Variants in WWOX observed in about 807,000 individuals in gnomAD.
WWOX encodes the protein WW domain-containing oxidoreductase.
In WWOX, 69 loss-of-function variants were observed where a neutral mutation model predicts 46.2. The observed-to-expected ratio is 1.49, with a 90% CI of 1.23 to 1.82. The LOEUF (loss-of-function observed/expected upper bound fraction) is 1.82. Ranked by LOEUF, WWOX falls within the 40% of genes most tolerant of loss-of-function variation. WWOX has a pLI of 0.00. For missense variants in WWOX, 919 were observed against 542.6 expected (o/e 1.69, Z -6.89); for synonymous variants, 359 against 202.6 (o/e 1.77, Z -6.56).
intron 8 of WWOX, among the ~76,000 whole-genome samples, chr16:78,602,670 G>C (rs988324326): frequency 6.6e-6 from 1 of 152,118 alleles, no homozygotes; most frequent in Non-Finnish European, 1.5e-5. Context: ...ACTCTGTTCT[G>C]ATCATTGTCA....
At chr16:78,374,338 G>C (rs554668167) in intron 5 of WWOX, among the ~76,000 whole-genome samples, 1 of 151,942 alleles carries the variant, frequency 6.6e-6, no homozygotes, top group East Asian at 1.9e-4. Context: ...TGATTTAATG[G>C]ATCAGTGAAA....
At chr16:78,476,343 A>T (rs532350446) in intron 8 of WWOX, among the ~76,000 whole-genome samples, 1 of 151,568 alleles carries the variant, frequency 6.6e-6, no homozygotes, top group South Asian at 2.1e-4. Context: ...ATTCTCAGCA[A>T]ACTGTTGCAA....
At chr16:78,605,617 A>G (rs2045737970) in intron 8 of WWOX, among the ~76,000 whole-genome samples, 1 of 152,168 alleles carries the variant, frequency 6.6e-6, no homozygotes, top group South Asian at 2.1e-4. Flanking sequence ...AACAACCCAA[A>G]TGTTAAAATT....
intron 8 of WWOX, among the ~76,000 whole-genome samples, chr16:78,886,639 C>CATATATATATATATATATATGTAACAT (rs3085495): frequency 6.9e-6 from 1 of 144,844 alleles, no homozygotes; most frequent in African/African-American, 2.5e-5. Flanking sequence ...CAAAGAAAAA[C>CATATATATATATATATATATGTAACAT]ATATATATAT....
At position 78,432,629 on chromosome 16, in the gene WWOX, C is replaced by T; in HGVS notation, c.933C>T (p.Leu311=). Residue 311 remains leucine, a synonymous_variant, in exon 8 of 9, where the codon CTC becomes CTT. Transcript: ENST00000566780. ...TCTCCAACGAGCTGCACCGTCGCCTCTCCCCACGCGGGGTCACGTCGAACG... is the reference window on the plus strand; with the variant it reads ...TCTCCAACGAGCTGCACCGTCGCCTTTCCCCACGCGGGGTCACGTCGAACG... ...ILFSNELHRR[L]SPRGVTSNAV... 1 of 1,614,264 alleles carries T rather than the reference C, an allele frequency of 6.2e-7. No individual in the cohort carries two copies. Among genetic ancestry groups the T allele is most frequent in the Non-Finnish European group, 8.5e-7 (1 of 1,180,052 alleles).
chr16:79,073,876 T>G (rs945265344), intron 8 of WWOX, among the ~76,000 whole-genome samples: 3 of 152,192 alleles, frequency 2.0e-5, no homozygotes, highest in Non-Finnish European at 4.4e-5. Context: ...CAGGTAGTAA[T>G]TTTAAAATGG....
intron 8 of WWOX, among the ~76,000 whole-genome samples, chr16:79,159,702 G>A (rs542137005): frequency 6.6e-6 from 1 of 152,208 alleles, no homozygotes; most frequent in African/African-American, 2.4e-5. Context: ...GGGAAAGATA[G>A]CAGGCAGTAT....
chr16:78,354,522 A>T (rs1281773869), intron 5 of WWOX, among the ~76,000 whole-genome samples: 1 of 152,130 alleles, frequency 6.6e-6, no homozygotes, highest in Non-Finnish European at 1.5e-5. Context: ...TACAACTGGA[A>T]AACATTTCTA....
chr16:78,543,386 A>T (rs1400694267), intron 8 of WWOX, among the ~76,000 whole-genome samples: 1 of 152,224 alleles, frequency 6.6e-6, no homozygotes, highest in Non-Finnish European at 1.5e-5. Flanking sequence ...GATTTTTACT[A>T]CAATGATGCC....
At chr16:79,088,586 C>G (rs28515528) in intron 8 of WWOX, among the ~76,000 whole-genome samples, 6,070 of 152,234 alleles carry the variant, frequency 0.04, 409 homozygotes, top group African/African-American at 0.13. Flanking sequence ...CTTTTTGAAA[C>G]TAAAAGAGGT....
At chr16:78,812,410 T>TA (rs977710774) in intron 8 of WWOX, among the ~76,000 whole-genome samples, 10 of 151,726 alleles carry the variant, frequency 6.6e-5, no homozygotes, top group Middle Eastern at 3.4e-3. Flanking sequence ...AAATATTTGT[T>TA]AAAAAAAACC....
At chr16:78,351,741 C>T (rs1474419522) in intron 5 of WWOX, among the ~76,000 whole-genome samples, 1 of 152,180 alleles carries the variant, frequency 6.6e-6, no homozygotes, top group African/African-American at 2.4e-5. Flanking sequence ...ACTGCAAACC[C>T]TGCCTCCCAG....
chr16:78,594,294 C>T (rs530100050), intron 8 of WWOX, among the ~76,000 whole-genome samples: 1 of 151,958 alleles, frequency 6.6e-6, no homozygotes, highest in Admixed American at 6.6e-5. Context: ...CTGACATTTC[C>T]GTAGACTGTT....
At chr16:79,165,793 T>A (rs978530370) in intron 8 of WWOX, among the ~76,000 whole-genome samples, 5 of 152,178 alleles carry the variant, frequency 3.3e-5, no homozygotes, top group African/African-American at 7.2e-5. Flanking sequence ...AGGCTTGGCT[T>A]CTCCGAGTCA....
At chr16:78,352,576 C>G (rs915686225) in intron 5 of WWOX, among the ~76,000 whole-genome samples, 5 of 152,152 alleles carry the variant, frequency 3.3e-5, no homozygotes, top group Admixed American at 2.0e-4. Flanking sequence ...TTTAAGGAAC[C>G]TTGTAACTTC....
chr16:78,966,864 A>G (rs966089268), intron 8 of WWOX, among the ~76,000 whole-genome samples: 3 of 152,180 alleles, frequency 2.0e-5, no homozygotes, highest in South Asian at 2.1e-4. Context: ...GGGAAAAATA[A>G]TAGTTCCCAC....
intron 8 of WWOX, among the ~76,000 whole-genome samples, chr16:78,479,037 A>G (rs757850548): frequency 1.3e-5 from 2 of 152,230 alleles, no homozygotes; most frequent in African/African-American, 2.4e-5. Flanking sequence ...TCACCAATTT[A>G]GATATCCAGG....
chr16:78,919,030 G>C lies in WWOX; in HGVS notation c.1057-292578G>C, dbSNP rs143002576. Among the ~76,000 whole-genome samples the C allele has an allele frequency of 5.6e-3, 848 of 152,140 alleles. 5 individuals carry two copies. The highest frequency in any genetic ancestry group is 0.011 in the Admixed American group (174 of 15,290). ...GTGGTGTCAGGTAGTGTGTAACTTCGTTAAGTTCAGTCATAGCAGCCGCTG... is the reference window on the plus strand; with the variant it reads ...GTGGTGTCAGGTAGTGTGTAACTTCCTTAAGTTCAGTCATAGCAGCCGCTG... On this transcript the variant is annotated intron_variant, in intron 8 of 8. Transcript: ENST00000566780.
intron 8 of WWOX, among the ~76,000 whole-genome samples, chr16:79,123,959 T>G (rs1333373234): frequency 6.6e-6 from 1 of 152,156 alleles, no homozygotes; most frequent in African/African-American, 2.4e-5. Context: ...TTGGTACCAT[T>G]AGGATAAATT....
Sources: gnomAD v4.1 joint callset for allele counts (sites outside exome capture counted in the v4.1 genomes callset) on GRCh38, gnomAD v4.1.1 for gene constraint, MANE v1.5 for transcripts, NCBI Gene and HGNC (gene_info 2026-07-23, HGNC 2026-07-21) for gene names.